AOPEP: variants seen among roughly 807,000 people sequenced by gnomAD.
The protein encoded by AOPEP is aminopeptidase O.
AOPEP carries 77 observed loss-of-function variants against 98.1 expected under a neutral mutation model. The observed-to-expected ratio is 0.78, with a 90% CI of 0.65 to 0.95. AOPEP has a LOEUF of 0.95. AOPEP is among the 40% of genes least tolerant of loss of function. AOPEP has a pLI of 0.00. For synonymous variants in AOPEP, 346 were observed against 365.3 expected (o/e 0.95, Z 0.60); for missense variants, 1,024 against 1,024.7 (o/e 1.00, Z 0.01).
chr9:94,978,530 C>T (rs1006187931), intron 10 of AOPEP, among the ~76,000 whole-genome samples: 3 of 152,014 alleles, frequency 2.0e-5, no homozygotes, highest in Non-Finnish European at 4.4e-5. Context: ...GAGAACAGGG[C>T]GTGTGACAGA....
chr9:94,956,069 C>A, intron 9 of AOPEP, 54 bp downstream of exon 9: 1 of 1,029,062 alleles, frequency 9.7e-7, no homozygotes, highest in Non-Finnish European at 1.5e-6. Context: ...GGGTATGGCA[C>A]ATGAAGATTA....
the AOPEP span, chr9:95,125,076 T>TA: frequency 1.2e-5 from 20 of 1,609,910 alleles, no homozygotes; most frequent in Non-Finnish European, 1.4e-5. Flanking sequence ...ATATATGTGA[T>TA]ATAACAAACC....
intron 5 of AOPEP, among the ~76,000 whole-genome samples, chr9:94,880,137 A>C (rs1542107): frequency 2.0e-5 from 3 of 152,062 alleles, no homozygotes; most frequent in African/African-American, 7.3e-5. Context: ...CTGATTTAAC[A>C]TGCACATCGG....
chr9:94,833,759 A>G (rs2041211363), intron 5 of AOPEP, among the ~76,000 whole-genome samples: 1 of 152,214 alleles, frequency 6.6e-6, no homozygotes, highest in Admixed American at 6.5e-5. Context: ...TTAACTCATT[A>G]TTTTGAAAAC....
rs2138352221 is a variant in AOPEP, at chr9:94,967,761, T to C, written c.1876T>C (p.Phe626Leu). The C allele has an allele frequency of 6.2e-7, 1 of 1,613,292 alleles. No individual in the cohort carries two copies. Among genetic ancestry groups the C allele is most frequent in the African/African-American group, 1.3e-5 (1 of 75,044 alleles). ...GATTTGCTTTTTTTAATCCCAGGATTTCCTTCAAATGCTACTGGAGAACAT... is the reference window on the plus strand; with the variant it reads ...GATTTGCTTTTTTTAATCCCAGGATCTCCTTCAAATGCTACTGGAGAACAT... ...FHGQLILSQD[F>L]LQMLLENIPE... is the part of the protein sequence containing the mutation. The change falls in exon 10 of 17, where the codon TTC becomes CTC. Residue 626 changes from phenylalanine to leucine, a missense_variant. By Grantham distance (22) the Phe-to-Leu change is conservative. This residue lies in a region of AOPEP where 566 missense variants were observed against 551.7 expected (regional missense o/e 1.03). Transcript: ENST00000375315.
intron 5 of AOPEP, among the ~76,000 whole-genome samples, chr9:94,842,927 T>G (rs1325300760): frequency 2.6e-5 from 4 of 152,208 alleles, no homozygotes; most frequent in Non-Finnish European, 4.4e-5. Flanking sequence ...TTTCAAGAAT[T>G]TTTACTTTGT....
chr9:94,906,954 T>G (rs1378794801), intron 5 of AOPEP, among the ~76,000 whole-genome samples: 3 of 152,202 alleles, frequency 2.0e-5, no homozygotes, highest in Non-Finnish European at 4.4e-5. Flanking sequence ...TCCCCCCATG[T>G]GTACATCCAG....
At chr9:95,004,586 C>T (rs2061794727) in intron 11 of AOPEP, among the ~76,000 whole-genome samples, 1 of 152,138 alleles carries the variant, frequency 6.6e-6, no homozygotes. Flanking sequence ...GTTTCCGACT[C>T]CAGGAGCGCG....
chr9:95,014,613 T>G (rs1346265658), intron 13 of AOPEP, among the ~76,000 whole-genome samples: 1 of 152,216 alleles, frequency 6.6e-6, no homozygotes, highest in Non-Finnish European at 1.5e-5. Flanking sequence ...CTTTCCCTGA[T>G]TCCATGTGGT....
chr9:95,083,683 A>G (rs1371907896), intron 16 of AOPEP, among the ~76,000 whole-genome samples: 1 of 150,764 alleles, frequency 6.6e-6, no homozygotes, highest in African/African-American at 2.4e-5. Context: ...CGGCACACAC[A>G]GCACACACCG....
intron 12 of AOPEP, 29 bp downstream of exon 12, chr9:95,005,249 C>T: frequency 9.3e-7 from 1 of 1,069,538 alleles, no homozygotes; most frequent in Non-Finnish European, 1.1e-6. Flanking sequence ...GTCCCTGCGC[C>T]CCGGTGGCGC....
intron 7 of AOPEP, chr9:94,935,379 T>C (rs529302067): frequency 6.6e-6 from 1 of 152,350 alleles, no homozygotes; most frequent in South Asian, 2.1e-4. Context: ...TATTTCTTTA[T>C]GGCAATTCAG....
intron 3 of AOPEP, among the ~76,000 whole-genome samples, chr9:94,787,533 C>G (rs1844707840): frequency 6.6e-6 from 1 of 152,146 alleles, no homozygotes; most frequent in African/African-American, 2.4e-5. Flanking sequence ...AAATTCAACG[C>G]AAATGTAGGG....
At position 94,899,179 on chromosome 9, in the gene AOPEP, C is replaced by CTTTTTTTTTT. The variant is rs1164742981; in HGVS notation, c.1365-24793_1365-24784dup. Among the ~76,000 whole-genome samples, 42 of 59,744 alleles carry CTTTTTTTTTT rather than the reference C, an allele frequency of 7.0e-4. 3 individuals are homozygous for CTTTTTTTTTT. Among genetic ancestry groups the CTTTTTTTTTT allele is most frequent in the African/African-American group, 2.2e-3 (29 of 13,416 alleles). 39.2% of individuals were successfully genotyped at this position (59,744 alleles called of 152,430 possible). On this transcript the variant is annotated intron_variant, in intron 5 of 16. Coordinates refer to ENST00000375315, the MANE Select transcript of AOPEP (RefSeq NM_001193329.3). The stretch of plus-strand genomic sequence containing the variant: ...GGAAGATAATTTGCCTCTTCATTTG[C>CTTTTTTTTTT]TTTTTTTTTTTTTTTTTTTTTTTGA...
At chr9:94,850,504 C>T (rs2043418338) in intron 5 of AOPEP, among the ~76,000 whole-genome samples, 2 of 152,122 alleles carry the variant, frequency 1.3e-5, no homozygotes, top group Non-Finnish European at 2.9e-5. Flanking sequence ...CCAGCAACCC[C>T]GAGTTAGGAA....
chr9:94,943,151 C>T (rs1189874744), intron 7 of AOPEP, among the ~76,000 whole-genome samples: 6 of 151,956 alleles, frequency 3.9e-5, no homozygotes, highest in South Asian at 2.1e-4. Context: ...AACTTTTGTG[C>T]GACAGAGGAC....
chr9:95,128,840 A>G, the AOPEP span, among the ~76,000 whole-genome samples: 1 of 152,184 alleles, frequency 6.6e-6, no homozygotes, highest in Non-Finnish European at 1.5e-5. Context: ...TAAAACAGGT[A>G]AGAGGCCAGG....
At chr9:95,044,061 T>A (rs1471302396) in intron 13 of AOPEP, among the ~76,000 whole-genome samples, 1 of 152,142 alleles carries the variant, frequency 6.6e-6, no homozygotes, top group Non-Finnish European at 1.5e-5. Context: ...AGATAACACG[T>A]GCGAAGTTCT....
intron 14 of AOPEP, among the ~76,000 whole-genome samples, chr9:95,075,193 G>A (rs915748754): frequency 2.6e-5 from 4 of 152,170 alleles, no homozygotes; most frequent in South Asian, 2.1e-4. Flanking sequence ...GTGATTCCTG[G>A]CATAGATTTG....
Sources: allele counts gnomAD v4.1 joint callset (sites outside exome capture counted in the v4.1 genomes callset), GRCh38; gene constraint gnomAD v4.1.1; regional missense constraint gnomAD v4.1.1; transcripts MANE v1.5; gene names NCBI Gene and HGNC (gene_info 2026-07-23, HGNC 2026-07-21).